The following MAD1L1 variants were observed in gnomAD, a reference collection of about 807,000 sequenced individuals.
MAD1L1 encodes the protein mitotic spindle assembly checkpoint protein MAD1.
MAD1L1 carries 95 observed loss-of-function variants against 96.9 expected under a neutral mutation model. The observed-to-expected ratio is 0.98, with a 90% confidence interval of 0.83 to 1.16. The LOEUF is 1.16. Ranked by LOEUF, MAD1L1 falls within the 50% of genes most tolerant of loss-of-function variation. MAD1L1 has a pLI of 0.00. For missense variants in MAD1L1, 1,007 were observed against 954.4 expected, an observed-to-expected ratio of 1.06 and a Z score of -0.73; for synonymous variants, 473 against 396.6, an observed-to-expected ratio of 1.19 and a Z score of -2.29.
At chr7:2,010,964 A>G (rs1288167934) in intron 13 of MAD1L1, among the ~76,000 whole-genome samples, 1 of 152,202 alleles carries the variant, frequency 6.6e-6, no homozygotes, top group Non-Finnish European at 1.5e-5. Flanking sequence ...ACTATCAGAC[A>G]TGCGTGCAGA....
At chr7:2,166,894 C>CG (rs1470013212) in intron 10 of MAD1L1, among the ~76,000 whole-genome samples, 21 of 152,348 alleles carry the variant, frequency 1.4e-4, no homozygotes, top group South Asian at 2.1e-4. Context: ...AGCACCACTA[C>CG]ACACCTGGGC....
intron 12 of MAD1L1, among the ~76,000 whole-genome samples, chr7:2,040,155 G>A (rs1783610860): frequency 1.3e-5 from 2 of 152,132 alleles, no homozygotes; most frequent in African/African-American, 2.4e-5. Context: ...AATTAATAAC[G>A]GAGGTGAAAT....
chr7:1,929,244 CCT>C (rs1210938974), intron 17 of MAD1L1, among the ~76,000 whole-genome samples: 2 of 152,106 alleles, frequency 1.3e-5, no homozygotes, highest in African/African-American at 4.8e-5. Context: ...CCATCCTCCC[CCT>C]GCCTCCCTCC....
chr7:2,205,084 C>CTTTTTTTTTTTTTTTTT (rs56101356), intron 10 of MAD1L1, among the ~76,000 whole-genome samples: 5 of 103,864 alleles, frequency 4.8e-5, no homozygotes, highest in African/African-American at 7.2e-5. Context: ...AGGATCTTTT[C>CTTTTTTTTTTTTTTTTT]TTTTTTTTTT....
At chr7:2,002,161 G>C in intron 13 of MAD1L1, 40 bp from the exon 14 acceptor site, 1 of 1,594,850 alleles carries the variant, frequency 6.3e-7, no homozygotes, top group Non-Finnish European at 8.6e-7. Context: ...ACTGTGGTGG[G>C]CCAGGCCCCA....
At chr7:2,105,786 C>CT (rs1787058726) in intron 11 of MAD1L1, among the ~76,000 whole-genome samples, 2 of 152,104 alleles carry the variant, frequency 1.3e-5, no homozygotes, top group African/African-American at 4.8e-5. Context: ...GCCAAAACCC[C>CT]AGTACCACCA....
chr7:2,229,942 G>T lies in MAD1L1; in HGVS notation c.150+42C>A, dbSNP rs371866044. On this transcript the variant is annotated intron_variant, in intron 3 of 18. Coordinates refer to ENST00000265854, the MANE Select transcript of MAD1L1 (RefSeq NM_001013836.2). ...GGAAGAGGTCCTGCCCGGGCCCAGG[G>T]TCTCCCCAGAGCAGACTCCCACCCA... The T allele has an allele frequency of 4.4e-6, 7 of 1,599,592 alleles. No homozygotes were observed. In the South Asian group the frequency reaches 6.7e-5, roughly 15 times the overall value.
intron 10 of MAD1L1, among the ~76,000 whole-genome samples, chr7:2,150,541 C>G (rs1046895776): frequency 6.6e-6 from 1 of 152,204 alleles, no homozygotes; most frequent in African/African-American, 2.4e-5. Flanking sequence ...GGAAGGGCCA[C>G]TTCCTTACAG....
In MAD1L1 at chr7:2,082,761, C is replaced by T. The variant is rs570537905; in HGVS notation, c.1074-13423G>A. Among the ~76,000 whole-genome samples, 10 of 152,392 alleles carry T rather than the reference C, an allele frequency of 6.6e-5. No individual in the cohort carries two copies. In the East Asian group the frequency reaches 7.7e-4, roughly 12 times the overall value. On this transcript the variant is annotated intron_variant, in intron 11 of 18. Coordinates refer to ENST00000265854, the MANE Select transcript of MAD1L1 (RefSeq NM_001013836.2). ...AATTAGCAGCTCTGAAGCTGAGGCT[C>T]TAGTGCCCATGACAATTGATGGAGC...
intron 18 of MAD1L1, chr7:1,847,740 C>T (rs1220483799): frequency 4.3e-5 from 20 of 468,878 alleles, no homozygotes; most frequent in East Asian, 6.9e-5. Flanking sequence ...TCCCTGGGCC[C>T]GGGACACGGA....
chr7:2,031,614 C>T (rs1284652832), intron 12 of MAD1L1, among the ~76,000 whole-genome samples: 3 of 152,230 alleles, frequency 2.0e-5, no homozygotes, highest in South Asian at 2.1e-4. Context: ...GCTATGACGA[C>T]GTGGGTGCCG....
chr7:2,004,534 G>A (rs1240653767), intron 13 of MAD1L1, among the ~76,000 whole-genome samples: 1 of 152,226 alleles, frequency 6.6e-6, no homozygotes, highest in Non-Finnish European at 1.5e-5. Flanking sequence ...GCTGAGAGCT[G>A]TGCGCGAGGC....
intron 14 of MAD1L1, among the ~76,000 whole-genome samples, chr7:1,988,986 G>A (rs1275436670): frequency 6.6e-6 from 1 of 152,232 alleles, no homozygotes; most frequent in African/African-American, 2.4e-5. Context: ...TGCCTCACAG[G>A]AGCCCCTTAT....
chr7:1,934,887 G>A (rs1320508707), intron 17 of MAD1L1, among the ~76,000 whole-genome samples: 1 of 151,562 alleles, frequency 6.6e-6, no homozygotes, highest in Non-Finnish European at 1.5e-5. Context: ...GGGCGAACCC[G>A]AGACGGGCAG....
intron 12 of MAD1L1, among the ~76,000 whole-genome samples, chr7:2,045,165 C>G (rs1260301897): frequency 6.6e-6 from 1 of 151,830 alleles, no homozygotes; most frequent in Non-Finnish European, 1.5e-5. Context: ...ACCCGGCCTC[C>G]ACACCCCTCT....
intron 14 of MAD1L1, among the ~76,000 whole-genome samples, chr7:1,996,295 TGGGC>T (rs1781558127): frequency 2.6e-5 from 3 of 116,360 alleles, no homozygotes; most frequent in East Asian, 2.7e-4. Flanking sequence ...ACACGGCTGC[TGGGC>T]GGGCAGGGTC....
chr7:1,943,070 G>A (rs1245204478), intron 16 of MAD1L1, among the ~76,000 whole-genome samples: 18 of 152,142 alleles, frequency 1.2e-4, no homozygotes, highest in Admixed American at 1.1e-3. Flanking sequence ...ATGGGCTGGC[G>A]CATGCCAAAG....
intron 10 of MAD1L1, among the ~76,000 whole-genome samples, chr7:2,160,993 CCTAA>C (rs1463905123): frequency 3.3e-5 from 5 of 152,050 alleles, no homozygotes; most frequent in Non-Finnish European, 5.9e-5. Flanking sequence ...TTCTATCATT[CCTAA>C]CTGACGCTCA....
intron 16 of MAD1L1, among the ~76,000 whole-genome samples, chr7:1,947,728 C>T (rs371887859): frequency 1.3e-5 from 2 of 152,250 alleles, no homozygotes; most frequent in East Asian, 1.9e-4. Context: ...GTTGTGGAAC[C>T]TGCCTCTGTA....
Sources: allele counts gnomAD v4.1 joint callset (sites outside exome capture counted in the v4.1 genomes callset), GRCh38; gene constraint gnomAD v4.1.1; transcripts MANE v1.5; gene names NCBI Gene and HGNC (gene_info 2026-07-23, HGNC 2026-07-21).